The following ROBO2 variants were observed in gnomAD, a reference collection of about 807,000 sequenced individuals.
ROBO2 encodes roundabout guidance receptor 2.
In ROBO2, 53 loss-of-function variants were observed where a neutral mutation model predicts 160.8. The observed-to-expected ratio is 0.33, with a 90% CI of 0.26 to 0.41. ROBO2 has a LOEUF of 0.41. ROBO2 is among the 10% of genes least tolerant of loss of function. The pLI is 1.00. For missense variants in ROBO2, 1,577 were observed against 1,722.4 expected, an observed-to-expected ratio of 0.92 and a Z score of 1.49; for synonymous variants, 664 against 611.7, an observed-to-expected ratio of 1.09 and a Z score of -1.26.
At chr3:76,849,263 A>C (rs764510148) in intron 2 of ROBO2, among the ~76,000 whole-genome samples, 8 of 152,196 alleles carry the variant, frequency 5.3e-5, no homozygotes, top group Non-Finnish European at 1.2e-4. Context: ...TAATACACTT[A>C]GGGGGTATTC....
At chr3:76,340,287 C>A (rs906220684) in intron 2 of ROBO2, among the ~76,000 whole-genome samples, 1 of 152,048 alleles carries the variant, frequency 6.6e-6, no homozygotes, top group African/African-American at 2.4e-5. Context: ...TCTCCCTCAG[C>A]CTTCAGTCAA....
At chr3:76,244,886 T>A (rs530099140) in intron 2 of ROBO2, among the ~76,000 whole-genome samples, 13 of 152,338 alleles carry the variant, frequency 8.5e-5, no homozygotes, top group African/African-American at 2.9e-4. Flanking sequence ...ACTTTAATAG[T>A]CTGTGTCTTC....
intron 5 of ROBO2, among the ~76,000 whole-genome samples, chr3:77,509,344 C>T (rs372580557): frequency 2.0e-5 from 3 of 152,022 alleles, no homozygotes; most frequent in Non-Finnish European, 2.9e-5. Context: ...TCTTCCCCAG[C>T]TTAACAATCC....
chr3:77,640,263 C>T (rs2095331007), intron 24 of ROBO2, among the ~76,000 whole-genome samples: 2 of 152,024 alleles, frequency 1.3e-5, no homozygotes, highest in African/African-American at 4.8e-5. Context: ...AGGCGCCCGC[C>T]ACCACACTCG....
intron 2 of ROBO2, among the ~76,000 whole-genome samples, chr3:76,248,145 A>G (rs991644529): frequency 7.9e-5 from 12 of 151,978 alleles, no homozygotes; most frequent in Admixed American, 2.0e-4. Flanking sequence ...TACTGGGTAT[A>G]TACCCAAAGG....
intron 2 of ROBO2, among the ~76,000 whole-genome samples, chr3:76,164,727 A>T (rs2106944605): frequency 6.6e-6 from 1 of 152,260 alleles, no homozygotes; most frequent in South Asian, 2.1e-4. Flanking sequence ...TGATCCATTT[A>T]CAGGGCACGG....
chr3:77,307,418 G>A (rs1055761172), intron 2 of ROBO2, among the ~76,000 whole-genome samples: 3 of 152,090 alleles, frequency 2.0e-5, no homozygotes, highest in African/African-American at 7.2e-5. Context: ...GCATACAGGG[G>A]TGAAGTGAAT....
chr3:77,259,349 G>T (rs150528038), intron 2 of ROBO2, among the ~76,000 whole-genome samples: 73 of 152,274 alleles, frequency 4.8e-4, no homozygotes, highest in African/African-American at 1.6e-3. Flanking sequence ...TGTTTTGCGT[G>T]TCTCTATATC....
intron 20 of ROBO2, 107 bp from the exon 22 acceptor site, chr3:77,607,691 C>T (rs2094551556): frequency 1.0e-6 from 1 of 984,484 alleles, no homozygotes; most frequent in African/African-American, 1.6e-5. Context: ...TTAACAACTC[C>T]AACATACTGA....
intron 2 of ROBO2, among the ~76,000 whole-genome samples, chr3:76,295,913 C>G (rs952207204): frequency 6.6e-6 from 1 of 152,124 alleles, no homozygotes; most frequent in Admixed American, 6.5e-5. Context: ...TAGTATAATA[C>G]TGCAAACCAA....
chr3:76,700,650 A>G (rs1012450138), intron 2 of ROBO2, among the ~76,000 whole-genome samples: 1 of 152,128 alleles, frequency 6.6e-6, no homozygotes, highest in Non-Finnish European at 1.5e-5. Context: ...GCTTCCTTTG[A>G]GGACGTTCTT....
chr3:77,381,330 C>T (rs1245705308), intron 2 of ROBO2, among the ~76,000 whole-genome samples: 1 of 151,894 alleles, frequency 6.6e-6, no homozygotes, highest in Non-Finnish European at 1.5e-5. Flanking sequence ...AACAAACAAA[C>T]AAACAAAGAC....
rs1275570970 is a variant in ROBO2, at chr3:76,352,188, C to T, written c.109+414586C>T. 2.0e-5 allele frequency among the ~76,000 whole-genome samples: 3 copies of T among 151,846 alleles called. No homozygotes were observed. The East Asian group carries it at 5.8e-4, about 29-fold the overall frequency. On this transcript the variant is annotated intron_variant, in intron 2 of 26. Coordinates refer to the ROBO2 transcript ENST00000487694. ...GAAGAGGTAGTCTTACAAATGTGTA[C>T]TAATCTCATGATCTCTATTTATAGC...
At chr3:76,207,032 G>A (rs1443848029) in intron 2 of ROBO2, among the ~76,000 whole-genome samples, 1 of 152,056 alleles carries the variant, frequency 6.6e-6, no homozygotes, top group African/African-American at 2.4e-5. Context: ...TAATATGCAA[G>A]GTAATTTGTC....
At chr3:76,938,118 G>T (rs2077844859) in intron 2 of ROBO2, among the ~76,000 whole-genome samples, 1 of 152,122 alleles carries the variant, frequency 6.6e-6, no homozygotes, top group Non-Finnish European at 1.5e-5. Flanking sequence ...GGTTTCTTTG[G>T]CAGGCCGAGG....
rs563040297 is a variant in ROBO2 at position 76,693,774 on chromosome 3, A to G, written c.110-404240A>G. Among the ~76,000 whole-genome samples, 3 of 152,316 alleles carry G rather than the reference A, an allele frequency of 2.0e-5. No individual in the cohort carries two copies. The East Asian group carries it at 5.8e-4, about 29-fold the overall frequency. ...CCTGTAGTTCTAGATGTCTAAGGGC[A>G]GGAGATGAGTGTCCCAGCTCCAAAA... On this transcript the variant is annotated intron_variant, in intron 2 of 26. Coordinates refer to the ROBO2 transcript ENST00000487694.
At chr3:77,348,669 C>G (rs569629139) in intron 2 of ROBO2, among the ~76,000 whole-genome samples, 5 of 152,126 alleles carry the variant, frequency 3.3e-5, no homozygotes, top group Non-Finnish European at 7.4e-5. Context: ...GTCCAGATTG[C>G]GTTCATTTCC....
intron 16 of ROBO2, among the ~76,000 whole-genome samples, chr3:77,586,907 A>G (rs2094064714): frequency 6.6e-6 from 1 of 150,738 alleles, no homozygotes; most frequent in Non-Finnish European, 1.5e-5. Context: ...ATAGTGGGAA[A>G]ATGAGCCAGA....
chr3:77,063,979 A>C (rs2066583092), intron 1 of ROBO2, among the ~76,000 whole-genome samples: 1 of 152,178 alleles, frequency 6.6e-6, no homozygotes, highest in African/African-American at 2.4e-5. Flanking sequence ...AACACTTTGC[A>C]TTGTACTTGT....
Sources: allele counts gnomAD v4.1 joint callset (sites outside exome capture counted in the v4.1 genomes callset), GRCh38; gene constraint gnomAD v4.1.1; transcripts MANE v1.5; gene names NCBI Gene and HGNC (gene_info 2026-07-23, HGNC 2026-07-21).